The following GLUD1 variants were observed in gnomAD, a reference collection of about 807,000 sequenced individuals.
GLUD1 encodes glutamate dehydrogenase 1.
Under a neutral mutation model 56.0 loss-of-function variants are expected in GLUD1, and 22 were observed. That is an observed-to-expected ratio of 0.39 (90% confidence interval 0.28 to 0.56). The LOEUF (loss-of-function observed/expected upper bound fraction) is 0.56, where lower values mean the gene tolerates loss of function less well. GLUD1 is among the 20% of genes least tolerant of loss of function. GLUD1 has a pLI of 0.58. For synonymous variants in GLUD1, 223 were observed against 269.9 expected (o/e 0.83, Z 1.70); for missense variants, 451 against 732.0 (o/e 0.62, Z 4.43).
At chr10:87,062,911 C>A in intron 5 of GLUD1, 76 bp from the exon 6 acceptor site, 1 of 1,322,234 alleles carries the variant, frequency 7.6e-7, no homozygotes, top group South Asian at 1.2e-5. Context: ...GAATTAAAGT[C>A]AAAGCACATT....
chr10:87,062,756 C>T lies in GLUD1; in HGVS notation c.821G>A (p.Arg274His). 6.2e-7 allele frequency: 1 copy of T among 1,614,098 alleles called. No individual in the cohort carries two copies. The highest frequency in any genetic ancestry group is 8.5e-7 in the Non-Finnish European group (1 of 1,179,964). The stretch of plus-strand genomic sequence containing the variant: ...ATTTTCAATCCCATGGAAGACACCA[C>T]GGCCAGTAGCAGAGATGCGTCCATG... ...GIHGRISATGRGVFHGIENFI... is the reference protein window; with the variant it reads ...GIHGRISATGHGVFHGIENFI... The change falls in exon 6 of 13, where the codon CGT becomes CAT. Residue 274 changes from arginine to histidine, a missense_variant. By Grantham distance (29) the Arg-to-His change is conservative (BLOSUM62 0). Coordinates refer to ENST00000277865, the MANE Select transcript of GLUD1 (RefSeq NM_005271.5).
intron 4 of GLUD1, among the ~76,000 whole-genome samples, chr10:87,069,505 A>G (rs2133814265): frequency 6.9e-6 from 1 of 145,836 alleles, no homozygotes; most frequent in Non-Finnish European, 1.5e-5. Context: ...ACAGAGTAAG[A>G]CTCTGTTTCA....
chr10:87,060,860 A>C, intron 7 of GLUD1, 35 bp from the exon 8 acceptor site: 1 of 1,614,104 alleles, frequency 6.2e-7, no homozygotes, highest in Non-Finnish European at 8.5e-7. Flanking sequence ...TAATAGCTGC[A>C]CCAGAGTTTT....
At chr10:87,087,143 T>C (rs1841403073) in intron 1 of GLUD1, among the ~76,000 whole-genome samples, 1 of 152,122 alleles carries the variant, frequency 6.6e-6, no homozygotes. Flanking sequence ...AATAATGTTA[T>C]AAAGGCTCAC....
chr10:87,080,201 A>C (rs11202319), intron 1 of GLUD1, among the ~76,000 whole-genome samples: 57,865 of 151,586 alleles, frequency 0.38, 11,687 homozygotes, highest in African/African-American at 0.51. Flanking sequence ...AGGCCTCCGG[A>C]GGTGCCAGGA....
intron 1 of GLUD1, among the ~76,000 whole-genome samples, chr10:87,080,614 C>T (rs1841202550): frequency 1.3e-5 from 2 of 151,106 alleles, no homozygotes; most frequent in African/African-American, 4.9e-5. Flanking sequence ...GTGAGGAGCG[C>T]CTCTGCCCGG....
At chr10:87,085,474 C>T (rs1283449685) in intron 1 of GLUD1, among the ~76,000 whole-genome samples, 1 of 151,782 alleles carries the variant, frequency 6.6e-6, no homozygotes, top group African/African-American at 2.4e-5. Flanking sequence ...TTTATTTTAA[C>T]CTGAATAAAT....
intron 11 of GLUD1, among the ~76,000 whole-genome samples, chr10:87,057,053 C>T (rs763578597): frequency 5.1e-4 from 77 of 152,118 alleles, no homozygotes; most frequent in Non-Finnish European, 9.4e-4. Context: ...TGCAGTGGTG[C>T]AATCTCGGCT....
At chr10:87,091,607 T>G (rs1412148721) in intron 1 of GLUD1, 1 of 968,004 alleles carries the variant, frequency 1.0e-6, no homozygotes, top group Non-Finnish European at 1.2e-6. Context: ...TCTAACGGCC[T>G]CAGGTACATG....
intron 1 of GLUD1, among the ~76,000 whole-genome samples, chr10:87,080,302 C>A (rs1589377139): frequency 6.6e-6 from 1 of 151,994 alleles, no homozygotes; most frequent in East Asian, 2.0e-4. Context: ...CTCCACCTCC[C>A]AGCCGCCTGC....
At chr10:87,081,279 A>G (rs2133841926) in intron 1 of GLUD1, among the ~76,000 whole-genome samples, 1 of 143,564 alleles carries the variant, frequency 7.0e-6, no homozygotes, top group African/African-American at 2.6e-5. Context: ...CTGGGAAGTG[A>G]GGAGCCCCTC....
At chr10:87,075,940 A>C in intron 3 of GLUD1, 28 bp downstream of exon 3, 1 of 1,440,778 alleles carries the variant, frequency 6.9e-7, no homozygotes, top group Non-Finnish European at 9.7e-7. Context: ...CAACAACAAT[A>C]AAAAACAAAT....
chr10:87,084,241 A>T (rs1589381231), intron 1 of GLUD1, among the ~76,000 whole-genome samples: 1 of 152,250 alleles, frequency 6.6e-6, no homozygotes, highest in Non-Finnish European at 1.5e-5. Context: ...GAAACTGACT[A>T]AACAGTTATT....
intron 1 of GLUD1, among the ~76,000 whole-genome samples, chr10:87,078,887 T>C (rs2133833450): frequency 6.6e-6 from 1 of 152,296 alleles, no homozygotes; most frequent in Middle Eastern, 3.4e-3. Flanking sequence ...ATGCTTGTAA[T>C]CCCAACACTG....
chr10:87,088,584 C>T (rs1388131820), intron 1 of GLUD1, among the ~76,000 whole-genome samples: 1 of 151,838 alleles, frequency 6.6e-6, no homozygotes, highest in African/African-American at 2.4e-5. Flanking sequence ...CCAATATGTA[C>T]AAAATATCTT....
chr10:87,069,514 CAAA>C (rs374019349), intron 4 of GLUD1, among the ~76,000 whole-genome samples: 2 of 62,612 alleles, frequency 3.2e-5, no homozygotes, highest in African/African-American at 6.0e-5. Context: ...GACTCTGTTT[CAAA>C]AAAAAAAAAA....
chr10:87,073,872 CGG>C (rs1846308631), intron 4 of GLUD1, among the ~76,000 whole-genome samples: 1 of 152,066 alleles, frequency 6.6e-6, no homozygotes, highest in South Asian at 2.1e-4. Flanking sequence ...CCACCTGCCT[CGG>C]CCTCTCAAAG....
intron 5 of GLUD1, among the ~76,000 whole-genome samples, chr10:87,065,307 C>T (rs956995586): frequency 6.6e-6 from 1 of 150,558 alleles, no homozygotes; most frequent in Admixed American, 6.6e-5. Flanking sequence ...AAATACCACA[C>T]CCAGAGCTCA....
In GLUD1 at chr10:87,050,481, G is replaced by A. The variant is rs886047370; in HGVS notation, c.*1270C>T. 6 of 151,568 alleles carry A rather than the reference G, an allele frequency of 4.0e-5. No individual in the cohort carries two copies. In the East Asian group the frequency reaches 1.2e-3, roughly 29 times the overall value. 9.4% of individuals were successfully genotyped at this position (151,568 alleles called of 1,614,324 possible). On this transcript the variant is annotated 3_prime_UTR_variant, in exon 13 of 13. Coordinates refer to ENST00000277865, the MANE Select transcript of GLUD1 (RefSeq NM_005271.5). Reference sequence around the variant, plus strand: ...ACATGTAAAAACACAGAAAAGAAACGTAAGTTTTGGAAAACGTAGACTTTT... The same window carrying A: ...ACATGTAAAAACACAGAAAAGAAACATAAGTTTTGGAAAACGTAGACTTTT...
Sources: allele counts gnomAD v4.1 joint callset (sites outside exome capture counted in the v4.1 genomes callset), GRCh38; gene constraint gnomAD v4.1.1; transcripts MANE v1.5; gene names NCBI Gene and HGNC (gene_info 2026-07-23, HGNC 2026-07-21).